DSC3: variants seen among roughly 807,000 people sequenced by gnomAD.
DSC3 encodes desmocollin-3.
In DSC3, 97 loss-of-function variants were observed where a neutral mutation model predicts 89.5. The ratio of observed to expected loss-of-function variants is 1.08; its 90% confidence interval spans 0.92 to 1.28. The LOEUF is 1.28. Ranked by LOEUF, DSC3 falls within the 50% of genes most tolerant of loss-of-function variation. The probability of loss-of-function intolerance (pLI) is 0.00; values close to 1 mark genes in which losing one functional copy is unlikely to be tolerated. For synonymous variants in DSC3, 436 were observed against 384.1 expected, an observed-to-expected ratio of 1.14 and a Z score of -1.58; for missense variants, 1,199 against 1,085.3, an observed-to-expected ratio of 1.10 and a Z score of -1.47.
intron 15 of DSC3, among the ~76,000 whole-genome samples, chr18:30,995,446 C>T (rs1266754445): frequency 1.3e-5 from 2 of 152,154 alleles, no homozygotes; most frequent in East Asian, 3.9e-4. Context: ...ATTTGCATTC[C>T]ATTCAAGGAT....
intron 9 of DSC3, among the ~76,000 whole-genome samples, chr18:31,011,631 T>C (rs145059143): frequency 2.0e-5 from 3 of 152,146 alleles, no homozygotes; most frequent in African/African-American, 7.2e-5. Flanking sequence ...GACAGAAACA[T>C]GGATTTTGAA....
rs745421266 is a variant in DSC3 at position 30,996,882 on chromosome 18, A to G, written c.2402T>C (p.Leu801Pro). 1.2e-6 allele frequency: 2 copies of G among 1,613,580 alleles called. No homozygotes were observed. Among genetic ancestry groups the G allele is most frequent in the Middle Eastern group, 1.6e-4 (1 of 6,062 alleles). ...SCRGAGHHHT[L>P]DSCRGGHTEV... Reference sequence around the variant, plus strand: ...CGTGTGTCCTCCCCTGCAGGAGTCCAGGGTATGATGATGCCCAGCCCCCCG... The same window carrying G: ...CGTGTGTCCTCCCCTGCAGGAGTCCGGGGTATGATGATGCCCAGCCCCCCG... The change falls in exon 15 of 16, where the codon CTG becomes CCG. Residue 801 changes from leucine to proline, a missense_variant. Transcript: ENST00000360428.
chr18:31,034,353 A>G (rs974980785), intron 1 of DSC3, among the ~76,000 whole-genome samples: 1 of 152,212 alleles, frequency 6.6e-6, no homozygotes, highest in Non-Finnish European at 1.5e-5. Context: ...ATTTGCTAGG[A>G]TAACTAAAAT....
rs370790046 is a variant in DSC3, at chr18:31,029,638, G to A, written c.355-10C>T. On this transcript the variant is annotated splice_polypyrimidine_tract_variant and intron_variant, in intron 3 of 15. Coordinates refer to ENST00000360428, the MANE Select transcript of DSC3 (RefSeq NM_001941.5). The stretch of plus-strand genomic sequence containing the variant: ...GTCTTGTCTTCGATACCTGAATTTA[G>A]AGAAAAACAAATACATGAATAAACA... 6.2e-7 allele frequency: 1 copy of A among 1,613,414 alleles called. No individual in the cohort carries two copies. The highest frequency in any genetic ancestry group is 1.3e-5 in the African/African-American group (1 of 74,908).
At chr18:31,042,478 G>T in intron 1 of DSC3, 114 bp downstream of exon 1, 1 of 1,101,156 alleles carries the variant, frequency 9.1e-7, no homozygotes, top group South Asian at 1.3e-5. Context: ...CCGCAGCATT[G>T]ATCTGAGCCG....
chr18:31,000,317 C>T (rs1473099896), intron 14 of DSC3, among the ~76,000 whole-genome samples: 1 of 152,130 alleles, frequency 6.6e-6, no homozygotes, highest in East Asian at 1.9e-4. Context: ...TCTTATTCAT[C>T]CCTATCTTAA....
rs1222876114 is a variant in DSC3 at position 31,008,464 on chromosome 18, G to T, written c.1325C>A (p.Pro442Gln). Residue 442 changes from proline (P) to glutamine (Q), a missense_variant, in exon 10 of 16, where the codon CCA becomes CAA. By Grantham distance (76) the Pro-to-Gln change is moderately conservative. Coordinates refer to ENST00000360428, the MANE Select transcript of DSC3 (RefSeq NM_001941.5). The part of the protein sequence containing the change: ...NLEIGVNNEA[P>Q]FARDIPRVTA... ...CACTCTGGGAATATCTCTAGCAAAT[G>T]GCGCTTCATTGTTTACTCCAATTTC... 24 of 1,614,090 alleles carry T rather than the reference G, an allele frequency of 1.5e-5. No individual in the cohort carries two copies. The highest frequency in any genetic ancestry group is 2.0e-5 in the Non-Finnish European group (24 of 1,180,008).
At chr18:31,010,054 A>C (rs939852104) in intron 9 of DSC3, among the ~76,000 whole-genome samples, 2 of 152,254 alleles carry the variant, frequency 1.3e-5, no homozygotes, top group African/African-American at 4.8e-5. Context: ...TATCAAAACA[A>C]TCACTGGCTA....
rs775187201 is a variant in DSC3, at chr18:31,036,798, C to CTTTTTTTTTTTTTTTTTTTTTTT, written c.70-4523_70-4522insAAAAAAAAAAAAAAAAAAAAAAA. On this transcript the variant is annotated intron_variant, in intron 1 of 15. Transcript: ENST00000360428. ...TATTTCCTTTTTGCTTTCTTTCTTC[C>CTTTTTTTTTTTTTTTTTTTTTTT]TTTTTTTTTTTTGAGATGGAATCTT... 7.0e-4 allele frequency among the ~76,000 whole-genome samples: 75 copies of CTTTTTTTTTTTTTTTTTTTTTTT among 107,358 alleles called. 7 individuals carry two copies. Among genetic ancestry groups the CTTTTTTTTTTTTTTTTTTTTTTT allele is most frequent in the South Asian group, 1.2e-3 (3 of 2,512 alleles). The allele number at this position is 107,358 out of a possible 152,430, so 70.4% of individuals were successfully genotyped here. A position where few individuals can be genotyped will look rare whatever the true frequency, so the allele number is the denominator to read the frequency against.
Position 31,008,250 on chromosome 18 carries a change from G to C in DSC3, c.1520+19C>G. ...ATTACAAATACATTATTAGTATGTG[G>C]TTATAGATTTATTTTTACCTTAAAC... On this transcript the variant is annotated intron_variant, in intron 10 of 15. Coordinates refer to ENST00000360428, the MANE Select transcript of DSC3 (RefSeq NM_001941.5). 1 of 1,613,278 alleles carries C rather than the reference G, an allele frequency of 6.2e-7. No homozygotes were observed. Among genetic ancestry groups the C allele is most frequent in the Non-Finnish European group, 8.5e-7 (1 of 1,179,510 alleles).
chr18:31,011,747 C>T (rs901300092), intron 9 of DSC3, among the ~76,000 whole-genome samples: 5 of 151,928 alleles, frequency 3.3e-5, no homozygotes, highest in African/African-American at 9.7e-5. Flanking sequence ...AATCCTAGCA[C>T]TTTGGGAGGC....
chr18:31,042,289 C>T (rs934451258), intron 1 of DSC3, among the ~76,000 whole-genome samples: 14 of 152,232 alleles, frequency 9.2e-5, no homozygotes, highest in Non-Finnish European at 1.5e-4. Context: ...GCGTGAATCC[C>T]AACCCCCTGC....
At chr18:31,010,560 A>T (rs1244540837) in intron 9 of DSC3, among the ~76,000 whole-genome samples, 1 of 152,184 alleles carries the variant, frequency 6.6e-6, no homozygotes, top group Non-Finnish European at 1.5e-5. Context: ...GGGATTAGTT[A>T]ATCTCATTAA....
chr18:31,033,375 T>TA (rs1416105012), intron 1 of DSC3, among the ~76,000 whole-genome samples: 2 of 152,004 alleles, frequency 1.3e-5, no homozygotes, highest in Admixed American at 6.5e-5. Context: ...ACTACAAAGC[T>TA]ACAATAATCA....
chr18:30,998,059 G>T (rs1028561471), intron 14 of DSC3, among the ~76,000 whole-genome samples: 3 of 152,190 alleles, frequency 2.0e-5, no homozygotes, highest in Non-Finnish European at 4.4e-5. Context: ...GGACTGTGAA[G>T]AATTTTAACT....
chr18:30,996,913 A>T lies in DSC3; in HGVS notation c.2371T>A (p.Ser791Thr). ...TGATGATGCCCAGCCCCCCGGCAGG[A>T]TTCCAAGGTCTGGTTTCCTCCTTTC... ...MMKGGNQTLESCRGAGHHHTL... is the reference protein window; with the variant it reads ...MMKGGNQTLETCRGAGHHHTL... The change falls in exon 15 of 16, where the codon TCC becomes ACC. Residue 791 changes from serine (S) to threonine (T), a missense_variant. Coordinates refer to ENST00000360428, the MANE Select transcript of DSC3 (RefSeq NM_001941.5). The T allele has an allele frequency of 6.2e-7, 1 of 1,614,018 alleles. No homozygotes were observed. Among genetic ancestry groups the T allele is most frequent in the Non-Finnish European group, 8.5e-7 (1 of 1,180,024 alleles).
At chr18:31,036,798 C>CTTTTT (rs775187201) in intron 1 of DSC3, among the ~76,000 whole-genome samples, 2 of 107,424 alleles carry the variant, frequency 1.9e-5, no homozygotes, top group African/African-American at 7.1e-5. Context: ...TTCTTTCTTC[C>CTTTTT]TTTTTTTTTT....
Position 30,991,224 on chromosome 18 carries a change from C to T in DSC3, c.*2951G>A, listed in dbSNP as rs1416391646. 6.6e-6 allele frequency: 1 copy of T among 152,540 alleles called. No homozygotes were observed. Among genetic ancestry groups the T allele is most frequent in the African/African-American group, 2.4e-5 (1 of 41,408 alleles). 9.4% of individuals were successfully genotyped at this position (152,540 alleles called of 1,614,324 possible). A position where few individuals can be genotyped will look rare whatever the true frequency, so the allele number is the denominator to read the frequency against. On this transcript the variant is annotated 3_prime_UTR_variant, in exon 16 of 16. Transcript: ENST00000360428. ...GTTTAAAACATTGCAAAACAAACCC[C>T]ACTGCATTTTAGACAGCTGCTTCCT...
intron 12 of DSC3, among the ~76,000 whole-genome samples, chr18:31,006,330 C>T (rs1325316001): frequency 1.5e-5 from 2 of 133,242 alleles, no homozygotes; most frequent in Non-Finnish European, 1.6e-5. Context: ...ACGGAGTCTC[C>T]CTCTGTCCCC....
Sources: allele counts gnomAD v4.1 joint callset (sites outside exome capture counted in the v4.1 genomes callset), GRCh38; gene constraint gnomAD v4.1.1; transcripts MANE v1.5; gene names NCBI Gene and HGNC (gene_info 2026-07-23, HGNC 2026-07-21).